The following KAZN variants were observed in gnomAD, a reference collection of about 807,000 sequenced individuals.
KAZN encodes kazrin, periplakin interacting protein.
KAZN carries 40 observed loss-of-function variants against 87.4 expected under a neutral mutation model. That is an observed-to-expected ratio of 0.46 (90% CI 0.36 to 0.60). KAZN has a LOEUF of 0.60. KAZN is among the 20% of genes least tolerant of loss of function. The pLI is 0.00. For synonymous variants in KAZN, 466 were observed against 458.3 expected, an observed-to-expected ratio of 1.02 and a Z score of -0.22; for missense variants, 898 against 1,073.9, an observed-to-expected ratio of 0.84 and a Z score of 2.29.
chr1:14,340,983 G>A (rs542166079), intron 2 of KAZN, among the ~76,000 whole-genome samples: 67 of 140,416 alleles, frequency 4.8e-4, no homozygotes, highest in East Asian at 4.2e-3. Context: ...TGCCTCCCGG[G>A]TTCAAGCAAT....
chr1:14,068,998 C>A (rs1643131496), intron 1 of KAZN, among the ~76,000 whole-genome samples: 1 of 152,070 alleles, frequency 6.6e-6, no homozygotes, highest in Non-Finnish European at 1.5e-5. Context: ...GGGGTAACAC[C>A]ATATTGGCCA....
rs186351063 is a variant in KAZN at position 14,377,492 on chromosome 1, C to T, written c.249+196900C>T. 3.2e-3 allele frequency among the ~76,000 whole-genome samples: 489 copies of T among 152,324 alleles called. 2 individuals carry two copies. Among genetic ancestry groups the T allele is most frequent in the African/African-American group, 0.011 (460 of 41,580 alleles). ...CAGTTCCAACAAGCAGAGAAACAGT[C>T]TCTAGCCTTTTCAATTCTCAACAAT... On this transcript the variant is annotated intron_variant, in intron 2 of 16. Coordinates refer to the KAZN transcript ENST00000636203.
intron 1 of KAZN, among the ~76,000 whole-genome samples, chr1:14,859,021 G>T (rs959683631): frequency 6.6e-6 from 1 of 151,988 alleles, no homozygotes; most frequent in Non-Finnish European, 1.5e-5. Context: ...CCTGGCTAAC[G>T]CAGTGAAACC....
chr1:14,855,397 C>T (rs1649971954), intron 1 of KAZN, among the ~76,000 whole-genome samples: 1 of 152,110 alleles, frequency 6.6e-6, no homozygotes, highest in African/African-American at 2.4e-5. Flanking sequence ...CACCACAGCC[C>T]CAGCTCTGCC....
At chr1:14,544,891 C>CCCAG (rs1348803763) in intron 2 of KAZN, among the ~76,000 whole-genome samples, 1 of 152,052 alleles carries the variant, frequency 6.6e-6, no homozygotes, top group Non-Finnish European at 1.5e-5. Flanking sequence ...TGATGCCCAG[C>CCCAG]CCAGCCTTCT....
chr1:14,657,957 G>A (rs1026154481), intron 1 of KAZN, among the ~76,000 whole-genome samples: 3 of 152,142 alleles, frequency 2.0e-5, no homozygotes, highest in Non-Finnish European at 2.9e-5. Flanking sequence ...CTCATGCCAC[G>A]TGAAGTGGTC....
chr1:14,224,900 A>T (rs1647209172), intron 2 of KAZN, among the ~76,000 whole-genome samples: 1 of 152,192 alleles, frequency 6.6e-6, no homozygotes. Context: ...AAGTGAATAT[A>T]TTACCCAAAC....
intron 8 of KAZN, among the ~76,000 whole-genome samples, chr1:15,091,639 C>T (rs1349108497): frequency 6.6e-6 from 1 of 152,218 alleles, no homozygotes; most frequent in Non-Finnish European, 1.5e-5. Context: ...CCACCGCACC[C>T]GGCCGTGTTT....
chr1:14,676,401 C>A (rs925246830), intron 1 of KAZN, among the ~76,000 whole-genome samples: 1 of 143,814 alleles, frequency 7.0e-6, no homozygotes, highest in Non-Finnish European at 1.5e-5. Flanking sequence ...AGCTAAGCAG[C>A]CTTACCTAGG....
At chr1:14,910,345 T>A (rs180856741) in intron 1 of KAZN, among the ~76,000 whole-genome samples, 99 of 152,264 alleles carry the variant, frequency 6.5e-4, no homozygotes, top group South Asian at 2.5e-3. Flanking sequence ...CCCTACCAAC[T>A]CCTCCGTCTC....
chr1:14,608,299 C>G (rs968491532), intron 1 of KAZN, among the ~76,000 whole-genome samples: 2 of 152,210 alleles, frequency 1.3e-5, no homozygotes, highest in African/African-American at 4.8e-5. Context: ...CCAGAGACCA[C>G]AGATTTAATA....
intron 2 of KAZN, among the ~76,000 whole-genome samples, chr1:14,589,494 G>A (rs751447711): frequency 2.0e-5 from 3 of 152,234 alleles, no homozygotes; most frequent in Admixed American, 6.5e-5. Flanking sequence ...TATTAGGGCA[G>A]ATGGCTGCAG....
At chr1:14,263,015 G>C (rs991925862) in intron 2 of KAZN, among the ~76,000 whole-genome samples, 1 of 152,290 alleles carries the variant, frequency 6.6e-6, no homozygotes, top group East Asian at 1.9e-4. Context: ...GTGCATGCGT[G>C]TATATCCATT....
At chr1:13,999,273 A>G (rs2101136295) in intron 1 of KAZN, among the ~76,000 whole-genome samples, 1 of 152,146 alleles carries the variant, frequency 6.6e-6, no homozygotes. Flanking sequence ...GCATGAATCC[A>G]GGAGGTGGAG....
chr1:14,581,932 T>C (rs757844421), intron 2 of KAZN, among the ~76,000 whole-genome samples: 3 of 152,104 alleles, frequency 2.0e-5, no homozygotes, highest in Non-Finnish European at 2.9e-5. Context: ...CCTGTTCCCC[T>C]CTCTTTCCCC....
intron 2 of KAZN, among the ~76,000 whole-genome samples, chr1:14,336,102 A>G (rs1657248870): frequency 6.6e-6 from 1 of 152,226 alleles, no homozygotes; most frequent in Non-Finnish European, 1.5e-5. Flanking sequence ...GTATGTGAAT[A>G]GGTAATGGAG....
rs139964923 is a variant in KAZN at position 14,313,311 on chromosome 1, G to T, written c.249+132719G>T. On this transcript the variant is annotated intron_variant, in intron 2 of 16. Transcript: ENST00000636203. ...TTGAACTCTCTGTAAATAGAATCAT[G>T]TGTACTCTTTTGTCTCTGATTTCTC... 4.2e-3 allele frequency among the ~76,000 whole-genome samples: 639 copies of T among 152,152 alleles called. 2 individuals are homozygous for T. The highest frequency in any genetic ancestry group is 0.014 in the African/African-American group (587 of 41,534).
At chr1:14,380,980 G>A (rs820666) in intron 2 of KAZN, among the ~76,000 whole-genome samples, 5,131 of 152,078 alleles carry the variant, frequency 0.034, 309 homozygotes, top group East Asian at 0.29. Context: ...AGTAGTGAGA[G>A]AAAATAAATG....
chr1:14,741,588 A>G (rs956124539), intron 1 of KAZN, among the ~76,000 whole-genome samples: 3 of 152,148 alleles, frequency 2.0e-5, no homozygotes, highest in Non-Finnish European at 2.9e-5. Flanking sequence ...ACTTTGATTG[A>G]ACTAGTATCT....
Sources: allele counts gnomAD v4.1 joint callset (sites outside exome capture counted in the v4.1 genomes callset), GRCh38; gene constraint gnomAD v4.1.1; transcripts MANE v1.5; gene names NCBI Gene and HGNC (gene_info 2026-07-23, HGNC 2026-07-21).